The following KLRG1 variants were observed in gnomAD, a reference collection of about 807,000 sequenced individuals.
The protein encoded by KLRG1 is killer cell lectin like receptor G1, also known as killer cell lectin-like receptor subfamily G member 1.
Under a neutral mutation model 21.8 loss-of-function variants are expected in KLRG1, and 16 were observed. That is an observed-to-expected ratio of 0.73 (90% CI 0.50 to 1.11). KLRG1 has a LOEUF of 1.11. Among genes scored for constraint, KLRG1 ranks in the 50% most tolerant of loss-of-function variants. The pLI is 0.00. For synonymous variants in KLRG1, 69 were observed against 75.9 expected (o/e 0.91, Z 0.47); for missense variants, 173 against 218.3 (o/e 0.79, Z 1.31).
At chr12:9,137,061 C>A in the KLRG1 span, among the ~76,000 whole-genome samples, 4 of 152,108 alleles carry the variant, frequency 2.6e-5, no homozygotes, top group South Asian at 8.3e-4. Flanking sequence ...TTTTTGTTTT[C>A]GTTGTCTGTG....
At chr12:9,053,781 A>G in the KLRG1 span, among the ~76,000 whole-genome samples, 1 of 152,202 alleles carries the variant, frequency 6.6e-6, no homozygotes, top group African/African-American at 2.4e-5. Context: ...CAACTTGAAC[A>G]TTATAAAATG....
chr12:9,138,737 G>A, the KLRG1 span, among the ~76,000 whole-genome samples: 3 of 151,690 alleles, frequency 2.0e-5, no homozygotes, highest in Non-Finnish European at 4.4e-5. Context: ...TGTGTATTTG[G>A]GAATTTACAC....
the KLRG1 span, among the ~76,000 whole-genome samples, chr12:9,127,585 G>C: frequency 1.1e-4 from 16 of 152,246 alleles, no homozygotes; most frequent in Non-Finnish European, 1.5e-4. Context: ...CAGCGGCTCC[G>C]TGCACTTTGG....
At chr12:9,049,939 T>C in the KLRG1 span, among the ~76,000 whole-genome samples, 1 of 152,194 alleles carries the variant, frequency 6.6e-6, no homozygotes, top group Non-Finnish European at 1.5e-5. Flanking sequence ...GTGTCTAACC[T>C]TATCATAGTA....
the KLRG1 span, chr12:9,194,191 G>T: frequency 6.2e-7 from 1 of 1,614,064 alleles, no homozygotes; most frequent in African/African-American, 1.3e-5. Flanking sequence ...CAGAGATGAA[G>T]AAGAGTTTAT....
the KLRG1 span, chr12:9,068,154 T>G: frequency 6.2e-7 from 1 of 1,611,646 alleles, no homozygotes; most frequent in Admixed American, 1.7e-5. Flanking sequence ...GAGCTCTGAC[T>G]GCCTTTTGGA....
At chr12:9,166,215 A>G in the KLRG1 span, 4 of 1,607,318 alleles carry the variant, frequency 2.5e-6, no homozygotes, top group East Asian at 8.9e-5. Context: ...AAAGTAAGAG[A>G]AAATTGTCTA....
the KLRG1 span, among the ~76,000 whole-genome samples, chr12:9,180,255 C>T: frequency 6.6e-6 from 1 of 152,094 alleles, no homozygotes; most frequent in African/African-American, 2.4e-5. Context: ...ATGCCATCCC[C>T]ATCAAGCTAC....
the KLRG1 span, chr12:9,111,468 A>G: frequency 2.2e-6 from 1 of 453,232 alleles, no homozygotes; most frequent in Non-Finnish European, 4.4e-6. Context: ...TAGAGATGAC[A>G]TTGACTAGGA....
the KLRG1 span, among the ~76,000 whole-genome samples, chr12:9,109,044 G>A: frequency 2.6e-4 from 40 of 152,082 alleles, 1 homozygote; most frequent in Non-Finnish European, 4.7e-4. Flanking sequence ...TTGTGTGTGT[G>A]TGTGTGTGCA....
the KLRG1 span, chr12:9,098,426 GTAGT>G: frequency 6.7e-5 from 24 of 357,212 alleles, no homozygotes; most frequent in African/African-American, 5.7e-4. Flanking sequence ...GCAGAAGTGA[GTAGT>G]TATATATATA....
chr12:9,196,719 C>T, the KLRG1 span: 2 of 1,503,296 alleles, frequency 1.3e-6, no homozygotes, highest in East Asian at 2.3e-5. Context: ...AAATGTCAAA[C>T]TGATTGAGAT....
At chr12:9,006,406 T>G (rs1365524710) in intron 3 of KLRG1, among the ~76,000 whole-genome samples, 2 of 152,126 alleles carry the variant, frequency 1.3e-5, no homozygotes, top group East Asian at 3.9e-4. Flanking sequence ...GGAAAAGCTA[T>G]GCAAAGACCT....
the KLRG1 span, chr12:9,104,396 C>T: frequency 1.2e-4 from 193 of 1,583,334 alleles, no homozygotes; most frequent in South Asian, 3.5e-4. Context: ...ATCTACTAGG[C>T]GCACCTGAAG....
At chr12:9,117,782 G>A in the KLRG1 span, among the ~76,000 whole-genome samples, 1 of 152,100 alleles carries the variant, frequency 6.6e-6, no homozygotes, top group Non-Finnish European at 1.5e-5. Flanking sequence ...CACATAAAGA[G>A]AAACATTAAA....
intron 4 of KLRG1, 28 bp downstream of exon 4, chr12:9,009,103 AAG>A (rs758782884): frequency 2.6e-6 from 4 of 1,552,572 alleles, no homozygotes; most frequent in Non-Finnish European, 2.6e-6. Flanking sequence ...AATGCAAAAA[AAG>A]AGAGAGAGGA....
At chr12:9,032,466 G>T in the KLRG1 span, among the ~76,000 whole-genome samples, 5 of 152,264 alleles carry the variant, frequency 3.3e-5, no homozygotes, top group South Asian at 1.0e-3. Context: ...CTCAGTGTAG[G>T]CCAAACTAAC....
chr12:8,992,853 A>T (rs1947014710), intron 2 of KLRG1, among the ~76,000 whole-genome samples: 2 of 152,034 alleles, frequency 1.3e-5, no homozygotes, highest in Non-Finnish European at 2.9e-5. Context: ...TTCTTAATAG[A>T]ACTGCAGTCA....
the KLRG1 span, among the ~76,000 whole-genome samples, chr12:9,141,075 A>G: frequency 6.6e-6 from 1 of 152,216 alleles, no homozygotes; most frequent in South Asian, 2.1e-4. Context: ...GGATGACAAA[A>G]AGTTTTATAG....
Sources: gnomAD v4.1 joint callset for allele counts (sites outside exome capture counted in the v4.1 genomes callset) on GRCh38, gnomAD v4.1.1 for gene constraint, MANE v1.5 for transcripts, NCBI Gene and HGNC (gene_info 2026-07-23, HGNC 2026-07-21) for gene names.